GUCY2D: variants seen among roughly 807,000 people sequenced by gnomAD.
GUCY2D encodes the protein guanylate cyclase 2D, retinal.
A neutral mutation model predicts 101.3 loss-of-function variants in GUCY2D; 70 were observed. That is an observed-to-expected ratio of 0.69 (90% CI 0.57 to 0.84). The LOEUF (loss-of-function observed/expected upper bound fraction) is 0.84. Among genes scored for constraint, GUCY2D ranks in the 40% least tolerant of loss-of-function variants. The pLI, the probability that GUCY2D is intolerant of heterozygous loss-of-function variation, is 0.00. For synonymous variants in GUCY2D, 688 were observed against 670.7 expected (o/e 1.03, Z -0.40); for missense variants, 1,460 against 1,542.5 (o/e 0.95, Z 0.90).
chr17:8,016,286 C>T lies in GUCY2D; in HGVS notation c.3220C>T (p.Pro1074Ser), dbSNP rs138869083. 1.5e-5 allele frequency: 23 copies of T among 1,565,990 alleles called. No homozygotes were observed. In the African/African-American group the frequency reaches 2.7e-4, roughly 18 times the overall value. ...KPIPKPPDLQ[P>S]GSSNHGISLQ... ...CATCCCCAAACCGCCTGACCTGCAA[C>T]CGGGGTGAGGGGCCGGCCTCCGCGG... Residue 1074 changes from proline (P) to serine (S), a missense_variant, in exon 18 of 20, where the codon CCG becomes TCG. By Grantham distance (74) the Pro-to-Ser change is moderately conservative. Coordinates refer to ENST00000254854, the MANE Select transcript of GUCY2D (RefSeq NM_000180.4).
At chr17:8,017,605 T>G in intron 19 of GUCY2D, among the ~76,000 whole-genome samples, 1 of 152,236 alleles carries the variant, frequency 6.6e-6, no homozygotes, top group Middle Eastern at 3.2e-3. Context: ...TGCCACACCT[T>G]GACTGACCAG....
intron 10 of GUCY2D, among the ~76,000 whole-genome samples, 174 bp downstream of exon 10, chr17:8,012,780 C>T (rs1975881801): frequency 6.6e-6 from 1 of 152,188 alleles, no homozygotes; most frequent in Admixed American, 6.5e-5. Context: ...TCTGTGACTT[C>T]GGAGACGGGG....
At chr17:8,016,787 G>A in intron 19 of GUCY2D, 1 of 540,594 alleles carries the variant, frequency 1.8e-6, no homozygotes, top group Non-Finnish European at 3.3e-6. Flanking sequence ...GCCTTCTGTG[G>A]CCCCTCCCCT....
Position 8,006,356 on chromosome 17 carries a change from T to C in GUCY2D, c.1027-7T>C. On this transcript the variant is annotated splice_polypyrimidine_tract_variant and splice_region_variant and intron_variant, in intron 3 of 19. Transcript: ENST00000254854. ...CCGACCTCTGAGCCCCTACTCTCCT[T>C]CTCCAGGTCTCCCCACTCTTTGGCA... is the stretch of plus-strand genomic sequence containing the variant. The C allele has an allele frequency of 1.3e-6, 2 of 1,598,372 alleles. No individual in the cohort carries two copies. The highest frequency in any genetic ancestry group is 2.2e-5 in the South Asian group (2 of 91,048).
In GUCY2D at chr17:8,012,332, C is replaced by T. The variant is rs201196538; in HGVS notation, c.1938C>T (p.Leu646=). 771 of 1,613,798 alleles carry T rather than the reference C, an allele frequency of 4.8e-4. 2 individuals are homozygous for T. The highest frequency in any genetic ancestry group is 6.4e-4 in the Non-Finnish European group (755 of 1,179,896). ...IKLDWMFKSS[L]LLDLIKGIRY... ...TGGACTGGATGTTCAAGTCCTCCCT[C>T]CTGCTGGACCTTATCAAGGTGTGTG... The change falls in exon 9 of 20, where the codon CTC becomes CTT. Residue 646 remains leucine, a synonymous_variant. Coordinates refer to ENST00000254854, the MANE Select transcript of GUCY2D (RefSeq NM_000180.4).
rs1361005749 is a variant in GUCY2D, at chr17:8,016,441, A to T, written c.3225-2A>T. The T allele has an allele frequency of 7.1e-6, 11 of 1,560,184 alleles. No individual in the cohort carries two copies. Among genetic ancestry groups the T allele is most frequent in the Non-Finnish European group, 9.5e-6 (11 of 1,152,622 alleles). On this transcript the variant is annotated splice_acceptor_variant, in intron 18 of 19. Transcript: ENST00000254854. LOFTEE classifies it high-confidence loss of function. ...CCTGAGGCCACCGCCCCCTCCTTGC[A>T]GGTCCAGCAACCACGGCATCAGCCT...
Position 8,014,952 on chromosome 17 carries a change from C to T in GUCY2D, c.2670C>T (p.Thr890=), listed in dbSNP as rs754025464. 3 of 1,614,006 alleles carry T rather than the reference C, an allele frequency of 1.9e-6. No individual in the cohort carries two copies. Among genetic ancestry groups the T allele is most frequent in the East Asian group, 4.5e-5 (2 of 44,880 alleles). ...TLYFSDIVGF[T]TISAMSEPIE... ...ACTTTAGTGACATTGTGGGCTTCACCACCATCTCTGCCATGAGTGAGCCCA... is the reference window on the plus strand; with the variant it reads ...ACTTTAGTGACATTGTGGGCTTCACTACCATCTCTGCCATGAGTGAGCCCA... The change falls in exon 14 of 20, where the codon ACC becomes ACT. Residue 890 remains threonine (T), a synonymous_variant. Coordinates refer to ENST00000254854, the MANE Select transcript of GUCY2D (RefSeq NM_000180.4). This position sits in a 1 kb window ranked among gnomAD's most constrained non-coding sequence, Gnocchi z 4.0.
chr17:8,004,221 A>G, intron 3 of GUCY2D, 65 bp downstream of exon 3: 3 of 1,394,898 alleles, frequency 2.2e-6, no homozygotes, highest in Non-Finnish European at 2.9e-6. Flanking sequence ...AAGCAGGGAG[A>G]GGAGGATGCA....
chr17:8,015,971 G>T lies in GUCY2D; in HGVS notation c.3088G>T (p.Ala1030Ser). The T allele has an allele frequency of 6.2e-7, 1 of 1,612,268 alleles. No homozygotes were observed. The change falls in exon 17 of 20, where the codon GCT (alanine) becomes TCT (serine). Residue 1030 changes from alanine to serine, a missense_variant. Physicochemically the swap from Ala to Ser is moderately conservative, Grantham distance 99 (BLOSUM62 1). Around this residue, in one of 3 missense-constraint regions of GUCY2D, gnomAD observed 215 missense variants for 227.9 expected, o/e 0.94. Transcript: ENST00000254854. ...VNLSTVGILR[A>S]LDSGYQVELR... is the part of the protein sequence containing the mutation. ...CTTGAGCACTGTGGGGATTCTCCGT[G>T]CTCTGGACTCGGGCTACCAGGTGGA...
chr17:8,007,191 T>C, intron 5 of GUCY2D, 47 bp downstream of exon 5: 1 of 1,426,688 alleles, frequency 7.0e-7, no homozygotes, highest in Non-Finnish European at 9.9e-7. Context: ...GTGCCAGAAA[T>C]GGAAGTCTGC....
chr17:8,012,414 C>T, intron 9 of GUCY2D, 36 bp from the exon 10 acceptor site: 1 of 1,613,024 alleles, frequency 6.2e-7, no homozygotes, highest in Non-Finnish European at 8.5e-7. Context: ...GGGAACCAAG[C>T]AGGCTGAGGC....
chr17:8,009,544 G>C lies in GUCY2D; in HGVS notation c.1707G>C (p.Gln569His), dbSNP rs568220391. 3.1e-6 allele frequency: 5 copies of C among 1,613,786 alleles called. No individual in the cohort carries two copies. The East Asian group carries it at 1.1e-4, about 36-fold the overall frequency. ...GGCTGAAGAAATTCCCAGGGGATCA[G>C]CACATAGCTATCCGCCCAGCAACCA... The part of the protein sequence containing the change: ...RVWLKKFPGD[Q>H]HIAIRPATKT... The change falls in exon 8 of 20, where the codon CAG becomes CAC. Residue 569 changes from glutamine (Q) to histidine (H), a missense_variant. Coordinates refer to ENST00000254854, the MANE Select transcript of GUCY2D (RefSeq NM_000180.4).
rs1975919659 is a variant in GUCY2D, at chr17:8,014,410, A to G, written c.2413-191A>G. On this transcript the variant is annotated intron_variant, in intron 12 of 19. Coordinates refer to ENST00000254854, the MANE Select transcript of GUCY2D (RefSeq NM_000180.4). This position sits in a 1 kb window ranked among gnomAD's most constrained non-coding sequence, Gnocchi z 4.0. ...TGACCTCTGGGAACCCTCATTTCCC[A>G]CGTGCCTCCTAATCGTGTCTGAAAA... 7 of 660,032 alleles carry G rather than the reference A, an allele frequency of 1.1e-5. No homozygotes were observed. Among genetic ancestry groups the G allele is most frequent in the South Asian group, 9.8e-5 (6 of 61,318 alleles). 40.9% of individuals were successfully genotyped at this position (660,032 alleles called of 1,614,324 possible).
At position 8,003,694 on chromosome 17, in the gene GUCY2D, C is replaced by G; in HGVS notation, c.647C>G (p.Thr216Ser). 1 of 1,598,034 alleles carries G rather than the reference C, an allele frequency of 6.3e-7. No homozygotes were observed. Among genetic ancestry groups the G allele is most frequent in the Admixed American group, 1.7e-5 (1 of 59,960 alleles). ...RARGLPVASV[T>S]SMEPLDLSGA... ...CGGGGCCTGCCTGTCGCCTCCGTGA[C>G]TTCCATGGAGCCCTTGGACCTGTCT... Residue 216 changes from threonine to serine, a missense_variant, in exon 2 of 20, where the codon ACT becomes AGT. By Grantham distance (58) the Thr-to-Ser change is moderately conservative. Coordinates refer to ENST00000254854, the MANE Select transcript of GUCY2D (RefSeq NM_000180.4).
At chr17:8,015,636 T>C in intron 15 of GUCY2D, 107 bp from the exon 16 acceptor site, 1 of 1,177,388 alleles carries the variant, frequency 8.5e-7, no homozygotes, top group South Asian at 1.3e-5. Flanking sequence ...ACAAGGCTTA[T>C]TTGGGGGGCT....
chr17:8,008,089 G>A, intron 7 of GUCY2D, 57 bp downstream of exon 7: 1 of 1,089,564 alleles, frequency 9.2e-7, no homozygotes, highest in Non-Finnish European at 1.4e-6. Flanking sequence ...TCAGGCCCTG[G>A]GCAGAGGGGA....
chr17:8,012,014 C>T (rs2534), intron 8 of GUCY2D, 130 bp from the exon 9 acceptor site: 11,733 of 720,252 alleles, frequency 0.016, 174 homozygotes, highest in Admixed American at 0.033. Context: ...CATACCTTAT[C>T]AACCATTTCA....
intron 6 of GUCY2D, 133 bp from the exon 7 acceptor site, chr17:8,007,798 T>A: frequency 1.4e-6 from 1 of 715,732 alleles, no homozygotes; most frequent in Non-Finnish European, 2.6e-6. Context: ...TGGGGAGTAA[T>A]GTCATTATCA....
intron 7 of GUCY2D, 90 bp downstream of exon 7, chr17:8,008,122 T>C (rs2151801130): frequency 2.5e-6 from 2 of 802,118 alleles, no homozygotes; most frequent in Non-Finnish European, 4.3e-6. Flanking sequence ...GGAGGACATG[T>C]AGTCATGTCA....
Sources: gnomAD v4.1 joint callset for allele counts (sites outside exome capture counted in the v4.1 genomes callset) on GRCh38, gnomAD v4.1.1 for gene constraint, gnomAD v4.1.1 regional missense constraint, Gnocchi (gnomAD v3.1) non-coding constraint, MANE v1.5 for transcripts, NCBI Gene and HGNC (gene_info 2026-07-23, HGNC 2026-07-21) for gene names.